Variants in MAD1L1 observed in about 807,000 individuals in gnomAD.
MAD1L1 encodes mitotic spindle assembly checkpoint protein MAD1.
MAD1L1 carries 95 observed loss-of-function variants against 96.9 expected under a neutral mutation model. The observed-to-expected ratio is 0.98, with a 90% confidence interval of 0.83 to 1.16. The LOEUF is 1.16. Among genes scored for constraint, MAD1L1 ranks in the 50% most tolerant of loss-of-function variants. The probability of loss-of-function intolerance (pLI) is 0.00; values close to 1 mark genes in which losing one functional copy is unlikely to be tolerated. For synonymous variants in MAD1L1, 473 were observed against 396.6 expected (o/e 1.19, Z -2.29); for missense variants, 1,007 against 954.4 (o/e 1.06, Z -0.73).
intron 11 of MAD1L1, among the ~76,000 whole-genome samples, chr7:2,085,740 C>A (rs1047421131): frequency 6.6e-6 from 1 of 152,170 alleles, no homozygotes; most frequent in African/African-American, 2.4e-5. Context: ...TTTGGGTTGG[C>A]CCCATCTCTT....
At chr7:2,181,001 C>A (rs999806989) in intron 10 of MAD1L1, among the ~76,000 whole-genome samples, 2 of 152,296 alleles carry the variant, frequency 1.3e-5, no homozygotes, top group African/African-American at 4.8e-5. Flanking sequence ...TTCCCCTTAC[C>A]GGAGAATCCT....
intron 16 of MAD1L1, among the ~76,000 whole-genome samples, chr7:1,947,229 C>T (rs1173273075): frequency 6.6e-6 from 1 of 152,186 alleles, no homozygotes; most frequent in South Asian, 2.1e-4. Context: ...TTCTGAGGGG[C>T]CCTATCCTCA....
chr7:2,218,336 A>T (rs1005557156), intron 6 of MAD1L1, among the ~76,000 whole-genome samples: 3 of 152,200 alleles, frequency 2.0e-5, no homozygotes, highest in African/African-American at 7.2e-5. Context: ...CCAACAGTGG[A>T]ACCCACAGCT....
At chr7:2,091,373 C>G (rs184749113) in intron 11 of MAD1L1, among the ~76,000 whole-genome samples, 1 of 152,198 alleles carries the variant, frequency 6.6e-6, no homozygotes, top group Non-Finnish European at 1.5e-5. Flanking sequence ...CATACACAGA[C>G]GCATCTGCCT....
intron 10 of MAD1L1, among the ~76,000 whole-genome samples, chr7:2,194,380 T>C (rs1407878401): frequency 1.3e-5 from 2 of 152,268 alleles, no homozygotes; most frequent in East Asian, 1.9e-4. Context: ...AATAAAGTCT[T>C]ACTGGAACAC....
chr7:2,116,566 T>A (rs1182549633), intron 11 of MAD1L1, among the ~76,000 whole-genome samples: 1 of 7,246 alleles, frequency 1.4e-4, no homozygotes, highest in African/African-American at 4.6e-4. Flanking sequence ...GGCCAGAGGG[T>A]TGGGGGGGGG....
chr7:1,970,365 ACT>A (rs1780351520), intron 15 of MAD1L1, among the ~76,000 whole-genome samples: 1 of 124,418 alleles, frequency 8.0e-6, no homozygotes, highest in South Asian at 2.4e-4. Context: ...AGACAGTCTC[ACT>A]CTGTTACCCA....
At chr7:2,164,677 T>C (rs989191888) in intron 10 of MAD1L1, among the ~76,000 whole-genome samples, 4 of 149,526 alleles carry the variant, frequency 2.7e-5, no homozygotes, top group Non-Finnish European at 5.9e-5. Flanking sequence ...TAGAAACATA[T>C]GGTGGTAGGG....
chr7:2,171,087 C>T (rs946843976), intron 10 of MAD1L1, among the ~76,000 whole-genome samples: 3 of 152,252 alleles, frequency 2.0e-5, no homozygotes, highest in Non-Finnish European at 2.9e-5. Context: ...TTCCTTGCTG[C>T]TACGCCACTG....
At chr7:1,948,286 C>A (rs577602837) in intron 16 of MAD1L1, among the ~76,000 whole-genome samples, 1 of 152,156 alleles carries the variant, frequency 6.6e-6, no homozygotes, top group Non-Finnish European at 1.5e-5. Context: ...CACCCACCTG[C>A]GCCATGGGCC....
chr7:2,085,357 G>A (rs1178757679), intron 11 of MAD1L1, among the ~76,000 whole-genome samples: 2 of 152,158 alleles, frequency 1.3e-5, no homozygotes, highest in East Asian at 1.9e-4. Flanking sequence ...CTGTCTCCCC[G>A]CCGCACAGCC....
At chr7:1,957,417 G>C (rs1004926405) in intron 16 of MAD1L1, among the ~76,000 whole-genome samples, 3 of 152,216 alleles carry the variant, frequency 2.0e-5, no homozygotes, top group African/African-American at 7.2e-5. Flanking sequence ...TGGGTGGTGC[G>C]GGCCGCAGAG....
chr7:2,159,082 A>C (rs943183018), intron 10 of MAD1L1, among the ~76,000 whole-genome samples: 1 of 152,200 alleles, frequency 6.6e-6, no homozygotes, highest in African/African-American at 2.4e-5. Flanking sequence ...TACCCCATGG[A>C]AAGGGACCCA....
intron 11 of MAD1L1, among the ~76,000 whole-genome samples, chr7:2,140,048 G>A (rs1174004318): frequency 6.6e-6 from 1 of 151,320 alleles, no homozygotes; most frequent in Non-Finnish European, 1.5e-5. Flanking sequence ...AGGCCAGGTG[G>A]CCAGGCTTCC....
intron 16 of MAD1L1, among the ~76,000 whole-genome samples, chr7:1,953,437 C>T (rs1779588884): frequency 6.6e-6 from 1 of 152,200 alleles, no homozygotes; most frequent in South Asian, 2.1e-4. Context: ...GGGAGCCGCA[C>T]TGGGGGGCTC....
At chr7:2,069,865 G>A (rs1776443870) in intron 11 of MAD1L1, among the ~76,000 whole-genome samples, 1 of 152,242 alleles carries the variant, frequency 6.6e-6, no homozygotes, top group South Asian at 2.1e-4. Context: ...CTCCCTGTCC[G>A]CCCCTTCGGG....
intron 10 of MAD1L1, among the ~76,000 whole-genome samples, chr7:2,171,412 AC>A (rs1004157225): frequency 1.3e-5 from 2 of 151,752 alleles, no homozygotes; most frequent in Non-Finnish European, 1.5e-5. Flanking sequence ...CCTCAACCTC[AC>A]CCCCGGAAGT....
intron 11 of MAD1L1, among the ~76,000 whole-genome samples, chr7:2,076,586 G>T (rs188061174): frequency 1.3e-5 from 2 of 152,204 alleles, no homozygotes; most frequent in Non-Finnish European, 2.9e-5. Context: ...ATGGGCATGG[G>T]GTCACACCGA....
chr7:2,162,297 T>C (rs62443032), intron 10 of MAD1L1, among the ~76,000 whole-genome samples: 8 of 151,794 alleles, frequency 5.3e-5, no homozygotes, highest in Non-Finnish European at 7.4e-5. Context: ...CCCCCAACCC[T>C]GTGCTCTCTG....
Sources: gnomAD v4.1 joint callset for allele counts (sites outside exome capture counted in the v4.1 genomes callset) on GRCh38, gnomAD v4.1.1 for gene constraint, MANE v1.5 for transcripts, NCBI Gene and HGNC (gene_info 2026-07-23, HGNC 2026-07-21) for gene names.